Variants in ANKRD44 observed in about 807,000 individuals in gnomAD.
ANKRD44 encodes the protein ankyrin repeat domain 44.
A neutral mutation model predicts 116.0 loss-of-function variants in ANKRD44; 35 were observed. The observed-to-expected ratio is 0.30, with a 90% CI of 0.23 to 0.40. The LOEUF is 0.40. Among genes scored for constraint, ANKRD44 ranks in the 10% least tolerant of loss-of-function variants. ANKRD44 has a pLI of 1.00. For synonymous variants in ANKRD44, 435 were observed against 461.8 expected (o/e 0.94, Z 0.74); for missense variants, 1,014 against 1,242.6 (o/e 0.82, Z 2.77).
chr2:196,980,591 G>A (rs573104959), intron 21 of ANKRD44, among the ~76,000 whole-genome samples: 2 of 152,314 alleles, frequency 1.3e-5, no homozygotes, highest in African/African-American at 4.8e-5. Flanking sequence ...CCGCTGGGAA[G>A]TATTCAATTT....
rs939841299 is a variant in ANKRD44, at chr2:196,979,158, A to G, written c.2369-11712T>C. Reference sequence around the variant, plus strand: ...ACGCCTGTAATCCCAGCACTTTGGGAGGCCGAGGCGGGCGGATCACGAGGT... The same window carrying G: ...ACGCCTGTAATCCCAGCACTTTGGGGGGCCGAGGCGGGCGGATCACGAGGT... On this transcript the variant is annotated intron_variant, in intron 21 of 21. Coordinates refer to the ANKRD44 transcript ENST00000424317. 1.8e-4 allele frequency among the ~76,000 whole-genome samples: 27 copies of G among 152,100 alleles called. No individual in the cohort carries two copies. In the Middle Eastern group the frequency reaches 0.014, roughly 77 times the overall value.
Position 197,232,280 on chromosome 2 carries a change from C to T in ANKRD44, c.28-45174G>A, listed in dbSNP as rs530515236. On this transcript the variant is annotated intron_variant, in intron 1 of 27. Transcript: ENST00000282272. ...GTGGCTTGGTGAACTCCATTTGATC[C>T]GAGCCCTGTATAAGCATCTACTATT... 2.3e-3 allele frequency among the ~76,000 whole-genome samples: 344 copies of T among 152,192 alleles called. 2 individuals are homozygous for T. Among genetic ancestry groups the T allele is most frequent in the Middle Eastern group, 3.4e-3 (1 of 294 alleles).
intron 4 of ANKRD44, chr2:197,135,374 G>A (rs1232689131): frequency 6.6e-6 from 1 of 152,130 alleles, no homozygotes; most frequent in Non-Finnish European, 1.5e-5. Flanking sequence ...TGAACCTCTT[G>A]TATCCCTGGA....
chr2:196,989,404 T>TA lies in ANKRD44; in HGVS notation c.*186dup. 1 of 1,191,102 alleles carries TA rather than the reference T, an allele frequency of 8.4e-7. No homozygotes were observed. Among genetic ancestry groups the TA allele is most frequent in the Non-Finnish European group, 1.0e-6 (1 of 958,506 alleles). 73.8% of individuals were successfully genotyped at this position (1,191,102 alleles called of 1,614,324 possible). A position where few individuals can be genotyped will look rare whatever the true frequency, so the allele number is the denominator to read the frequency against. On this transcript the variant is annotated 3_prime_UTR_variant, in exon 28 of 28. Transcript: ENST00000282272. ...CACAGAAAGATTACATTTAACTCCA[T>TA]AAAAAAGCTACTTCAGTTCTCACTT...
At chr2:197,106,066 G>A (rs1428577849) in intron 9 of ANKRD44, among the ~76,000 whole-genome samples, 2 of 152,206 alleles carry the variant, frequency 1.3e-5, no homozygotes, top group African/African-American at 2.4e-5. Context: ...TATCAGGAAG[G>A]ATGGAGTAGG....
At chr2:197,101,857 G>A (rs2078301140) in intron 9 of ANKRD44, among the ~76,000 whole-genome samples, 1 of 151,966 alleles carries the variant, frequency 6.6e-6, no homozygotes, top group Non-Finnish European at 1.5e-5. Context: ...AGGTTCATTT[G>A]ATTCTGTTTG....
chr2:196,968,387 A>T (rs1043116745), intron 21 of ANKRD44, among the ~76,000 whole-genome samples: 2 of 152,192 alleles, frequency 1.3e-5, no homozygotes, highest in Non-Finnish European at 2.9e-5. Flanking sequence ...CAGCATCATC[A>T]TCATCTTTAT....
chr2:197,089,185 T>G (rs1269416934), intron 11 of ANKRD44, among the ~76,000 whole-genome samples: 1 of 152,172 alleles, frequency 6.6e-6, no homozygotes, highest in Non-Finnish European at 1.5e-5. Flanking sequence ...TCAGTTGGTT[T>G]AAGAGTTGGG....
chr2:197,188,913 G>A (rs1039225275), intron 1 of ANKRD44, among the ~76,000 whole-genome samples: 8 of 152,104 alleles, frequency 5.3e-5, no homozygotes, highest in African/African-American at 1.9e-4. Context: ...TCAGGGTGGG[G>A]ACCTGCAAAT....
At chr2:197,304,175 G>A (rs1416880851) in intron 1 of ANKRD44, among the ~76,000 whole-genome samples, 2 of 152,058 alleles carry the variant, frequency 1.3e-5, no homozygotes, top group East Asian at 3.9e-4. Context: ...GCGTAGTGGT[G>A]CAAGCCTGTA....
intron 2 of ANKRD44, among the ~76,000 whole-genome samples, chr2:197,181,889 G>C (rs915730360): frequency 5.3e-5 from 8 of 151,970 alleles, no homozygotes; most frequent in Non-Finnish European, 1.2e-4. Flanking sequence ...AAACTATTTG[G>C]GGCCATTCTC....
intron 1 of ANKRD44, among the ~76,000 whole-genome samples, chr2:197,294,665 G>A (rs1033360633): frequency 6.6e-6 from 1 of 152,116 alleles, no homozygotes; most frequent in Non-Finnish European, 1.5e-5. Context: ...GAACCTTCTA[G>A]AATAATGAGC....
chr2:197,118,087 C>T (rs1036031584), intron 8 of ANKRD44, among the ~76,000 whole-genome samples: 1 of 151,814 alleles, frequency 6.6e-6, no homozygotes, highest in Non-Finnish European at 1.5e-5. Flanking sequence ...GTGGCGTACA[C>T]CTGTAATCCC....
chr2:197,150,707 G>T (rs112276652), intron 2 of ANKRD44, among the ~76,000 whole-genome samples: 3,611 of 152,180 alleles, frequency 0.024, 56 homozygotes, highest in Middle Eastern at 0.048. Flanking sequence ...ATAGAAAGGG[G>T]TCAGAAATGG....
intron 2 of ANKRD44, among the ~76,000 whole-genome samples, chr2:197,175,798 T>A (rs2080351291): frequency 6.6e-6 from 1 of 152,220 alleles, no homozygotes. Flanking sequence ...TTCATGACAG[T>A]ATTACATAAA....
chr2:197,141,395 GT>G (rs1215575949), intron 3 of ANKRD44, among the ~76,000 whole-genome samples: 2 of 151,880 alleles, frequency 1.3e-5, no homozygotes, highest in Non-Finnish European at 2.9e-5. Context: ...TTTTTCTGTT[GT>G]TTTTTCTTAT....
At chr2:197,248,572 G>GTATATATATATATATA (rs1385952729) in intron 1 of ANKRD44, among the ~76,000 whole-genome samples, 12 of 109,690 alleles carry the variant, frequency 1.1e-4, no homozygotes, top group African/African-American at 3.4e-4. Context: ...GTGTGTGTGT[G>GTATATATATATATATA]TGTGTGTATA....
chr2:197,056,428 G>A (rs1030864301), intron 16 of ANKRD44, among the ~76,000 whole-genome samples: 1 of 152,078 alleles, frequency 6.6e-6, no homozygotes, highest in Non-Finnish European at 1.5e-5. Context: ...ATGTATTATA[G>A]TTTTATGGTA....
Position 197,078,680 on chromosome 2 carries a change from G to C in ANKRD44, c.1650+23C>G, listed in dbSNP as rs756667730. On this transcript the variant is annotated intron_variant, in intron 16 of 27. Transcript: ENST00000282272. ...GGTATGTGTGTGTGTGTGTGTTAGA[G>C]AAAACAAAACAAAACAACTCACCAA... 3 of 1,607,140 alleles carry C rather than the reference G, an allele frequency of 1.9e-6. No individual in the cohort carries two copies. The Middle Eastern group carries it at 5.0e-4, about 266-fold the overall frequency.
Sources: allele counts gnomAD v4.1 joint callset (sites outside exome capture counted in the v4.1 genomes callset), GRCh38; gene constraint gnomAD v4.1.1; transcripts MANE v1.5; gene names NCBI Gene and HGNC (gene_info 2026-07-23, HGNC 2026-07-21).